Variants in OSBPL9 observed in about 807,000 individuals in gnomAD.
OSBPL9 encodes the protein oxysterol-binding protein-related protein 9.
A neutral mutation model predicts 106.6 loss-of-function variants in OSBPL9; 40 were observed. The ratio of observed to expected loss-of-function variants is 0.38; its 90% CI spans 0.29 to 0.49. OSBPL9 has a LOEUF of 0.49. OSBPL9 is among the 20% of genes least tolerant of loss of function. OSBPL9 has a pLI of 0.97. For synonymous variants in OSBPL9, 269 were observed against 295.4 expected (o/e 0.91, Z 0.92); for missense variants, 609 against 887.2 (o/e 0.69, Z 3.98).
intron 2 of OSBPL9, among the ~76,000 whole-genome samples, chr1:51,666,905 C>G (rs1648651691): frequency 6.6e-6 from 1 of 152,198 alleles, no homozygotes; most frequent in Non-Finnish European, 1.5e-5. Context: ...CCGGCAATAG[C>G]AAGGACTGTG....
intron 2 of OSBPL9, among the ~76,000 whole-genome samples, chr1:51,606,600 T>C (rs75925614): frequency 1.3e-3 from 203 of 152,356 alleles, no homozygotes; most frequent in African/African-American, 4.7e-3. Context: ...ATTTCAGCTC[T>C]TTAAGGAGGC....
chr1:51,668,566 G>T lies in OSBPL9; in HGVS notation c.163-868G>T, dbSNP rs60144623. Among the ~76,000 whole-genome samples the T allele has an allele frequency of 7.2e-3, 1,090 of 152,306 alleles. 9 individuals carry two copies. The highest frequency in any genetic ancestry group is 0.025 in the African/African-American group (1,048 of 41,560). Reference sequence around the variant, plus strand: ...GAACCTGGGAGGTGGAGGTTGCAGTGAGCCGAGATCGTGCCACTGCACTCC... The same window carrying T: ...GAACCTGGGAGGTGGAGGTTGCAGTTAGCCGAGATCGTGCCACTGCACTCC... On this transcript the variant is annotated intron_variant, in intron 2 of 23. Transcript: ENST00000428468.
chr1:51,550,982 C>T, the OSBPL9 span, among the ~76,000 whole-genome samples: 1 of 152,162 alleles, frequency 6.6e-6, no homozygotes, highest in Admixed American at 6.5e-5. Context: ...AGGCACTTTA[C>T]ATACATTAGT....
At chr1:51,525,935 G>A in the OSBPL9 span, among the ~76,000 whole-genome samples, 1 of 152,028 alleles carries the variant, frequency 6.6e-6, no homozygotes, top group Non-Finnish European at 1.5e-5. Context: ...GGAGTGCAGT[G>A]GTCCAATTTC....
At chr1:51,593,406 CAAA>C (rs1452390722) in intron 1 of OSBPL9, among the ~76,000 whole-genome samples, 1 of 152,110 alleles carries the variant, frequency 6.6e-6, no homozygotes, top group Non-Finnish European at 1.5e-5. Context: ...CTGCCTTCAG[CAAA>C]AGGTCAGGCT....
chr1:51,625,875 A>G (rs184630370), intron 1 of OSBPL9, among the ~76,000 whole-genome samples: 1 of 152,346 alleles, frequency 6.6e-6, no homozygotes, highest in East Asian at 1.9e-4. Flanking sequence ...TTTACATGTT[A>G]CATGGGATGA....
Position 51,758,831 on chromosome 1 carries a change from C to T in OSBPL9, c.583-1859C>T, listed in dbSNP as rs536619495. On this transcript the variant is annotated intron_variant, in intron 9 of 23. Transcript: ENST00000428468. ...CATTTGGAGTTATTTTCGAGAAAAG[C>T]GCTGTGTAAACAAGGAATTTATTTT... 1.9e-4 allele frequency among the ~76,000 whole-genome samples: 29 copies of T among 152,134 alleles called. No homozygotes were observed. In the East Asian group the frequency reaches 4.6e-3, roughly 24 times the overall value.
At chr1:51,782,791 G>C in intron 17 of OSBPL9, 148 bp downstream of exon 17, 1 of 623,042 alleles carries the variant, frequency 1.6e-6, no homozygotes, top group South Asian at 2.7e-5. Context: ...AAGTTGATTT[G>C]TTCCTCATAT....
chr1:51,750,670 T>C (rs1669045285), intron 8 of OSBPL9, among the ~76,000 whole-genome samples: 1 of 152,222 alleles, frequency 6.6e-6, no homozygotes, highest in Non-Finnish European at 1.5e-5. Context: ...TTTTGAATTA[T>C]TGTGGGTTAA....
At chr1:51,625,945 A>G (rs1027240752) in intron 1 of OSBPL9, among the ~76,000 whole-genome samples, 1 of 152,202 alleles carries the variant, frequency 6.6e-6, no homozygotes, top group Non-Finnish European at 1.5e-5. Context: ...ATTTTTTTCT[A>G]TTCACATGAC....
chr1:51,554,617 G>A, the OSBPL9 span, among the ~76,000 whole-genome samples: 1 of 152,196 alleles, frequency 6.6e-6, no homozygotes, highest in African/African-American at 2.4e-5. Context: ...GATGTCCAGT[G>A]AACATGAGTT....
At chr1:51,615,232 A>T (rs893672650), upstream of OSBPL9, among the ~76,000 whole-genome samples, 1 of 152,204 alleles carries the variant, frequency 6.6e-6, no homozygotes, top group Non-Finnish European at 1.5e-5. Flanking sequence ...AGCCTGGGCG[A>T]TAAGAGTGAA....
intron 3 of OSBPL9, among the ~76,000 whole-genome samples, chr1:51,705,396 T>TAC (rs1658270195): frequency 1.4e-5 from 1 of 70,248 alleles, no homozygotes; most frequent in African/African-American, 6.1e-5. Flanking sequence ...TATATATATA[T>TAC]ATATTTTTTT....
chr1:51,697,335 C>G (rs1017930166), intron 3 of OSBPL9, among the ~76,000 whole-genome samples: 1 of 151,866 alleles, frequency 6.6e-6, no homozygotes, highest in East Asian at 1.9e-4. Context: ...CATATTGGGG[C>G]TCAGTAGCTA....
At chr1:51,684,712 T>G (rs1653355836) in intron 3 of OSBPL9, among the ~76,000 whole-genome samples, 1 of 152,074 alleles carries the variant, frequency 6.6e-6, no homozygotes, top group Non-Finnish European at 1.5e-5. Context: ...TCTTTAATTT[T>G]TAGTAGAGAC....
Position 51,772,071 on chromosome 1 carries a change from T to G in OSBPL9, c.940T>G (p.Ser314Ala). 1 of 1,608,376 alleles carries G rather than the reference T, an allele frequency of 6.2e-7. No homozygotes were observed. Among genetic ancestry groups the G allele is most frequent in the Non-Finnish European group, 8.5e-7 (1 of 1,177,260 alleles). ...ATAAGGTAATTAATGTTTTTATAGT[T>G]CTTCTGGATCTGCCTCAGTCCTGAC... ...SGSSPKRLID[S>A]SGSASVLTHS... The change falls in exon 13 of 24, where the codon TCT (serine) becomes GCT (alanine). Residue 314 changes from serine (S) to alanine (A), a missense_variant and splice_region_variant. By Grantham distance (99) the Ser-to-Ala change is moderately conservative. Transcript: ENST00000428468.
the OSBPL9 span, among the ~76,000 whole-genome samples, chr1:51,548,327 G>A: frequency 1.4e-4 from 22 of 152,156 alleles, no homozygotes; most frequent in African/African-American, 4.8e-4. Context: ...TTGAACTCCT[G>A]GGCTCAAGTG....
intron 2 of OSBPL9, among the ~76,000 whole-genome samples, chr1:51,599,609 C>T (rs889288270): frequency 6.6e-6 from 1 of 152,006 alleles, no homozygotes; most frequent in African/African-American, 2.4e-5. Flanking sequence ...GCAACAATAT[C>T]TGTTTTAATC....
intron 1 of OSBPL9, among the ~76,000 whole-genome samples, chr1:51,596,702 C>G (rs1645301505): frequency 6.6e-6 from 1 of 152,090 alleles, no homozygotes; most frequent in Non-Finnish European, 1.5e-5. Flanking sequence ...ATTGCTTGAA[C>G]CCGGGAGGCG....
Sources: gnomAD v4.1 joint callset for allele counts (sites outside exome capture counted in the v4.1 genomes callset) on GRCh38, gnomAD v4.1.1 for gene constraint, MANE v1.5 for transcripts, NCBI Gene and HGNC (gene_info 2026-07-23, HGNC 2026-07-21) for gene names.